DCDC2: variants seen among roughly 807,000 people sequenced by gnomAD.
DCDC2 encodes the protein doublecortin domain-containing protein 2.
In DCDC2, 40 loss-of-function variants were observed where a neutral mutation model predicts 50.2. The ratio of observed to expected loss-of-function variants is 0.80; its 90% CI spans 0.62 to 1.04. DCDC2 has a LOEUF of 1.04. Ranked by LOEUF, DCDC2 falls within the 50% of genes least tolerant of loss-of-function variation. DCDC2 has a pLI of 0.00. For missense variants in DCDC2, 570 were observed against 581.9 expected (o/e 0.98, Z 0.21); for synonymous variants, 234 against 210.6 (o/e 1.11, Z -0.96).
At chr6:24,261,779 T>C (rs1763015642) in intron 7 of DCDC2, among the ~76,000 whole-genome samples, 1 of 152,078 alleles carries the variant, frequency 6.6e-6, no homozygotes, top group Non-Finnish European at 1.5e-5. Context: ...TAGCTTTTGG[T>C]GAAACCCAAA....
In DCDC2 at chr6:24,179,547, CAAAAAAAAAAAA is replaced by C. The variant is rs56731018; in HGVS notation, c.1024-927_1024-916del. Among the ~76,000 whole-genome samples the C allele has an allele frequency of 2.8e-4, 14 of 49,598 alleles. 1 individual carries two copies. The South Asian group carries it at 0.012, about 44-fold the overall frequency. The allele number at this position is 49,598 out of a possible 152,430, so 32.5% of individuals were successfully genotyped here. A position where few individuals can be genotyped will look rare whatever the true frequency, so the allele number is the denominator to read the frequency against. On this transcript the variant is annotated intron_variant, in intron 8 of 9. Coordinates refer to ENST00000378454, the MANE Select transcript of DCDC2 (RefSeq NM_016356.5). ...TGGGTGACAGAGCAAGACACCATCTCAAAAAAAAAAAAAAAAAAAAAAAAAAAAAGAATAAAT... is the reference window on the plus strand; with the variant it reads ...TGGGTGACAGAGCAAGACACCATCTCAAAAAAAAAAAAAAAAAGAATAAAT...
intron 2 of DCDC2, among the ~76,000 whole-genome samples, chr6:24,304,214 G>C (rs1416973130): frequency 6.6e-6 from 1 of 152,184 alleles, no homozygotes; most frequent in Non-Finnish European, 1.5e-5. Flanking sequence ...TGGGTGTGTT[G>C]GCTCACGCCT....
chr6:24,245,706 A>C (rs1056639764), intron 7 of DCDC2, among the ~76,000 whole-genome samples: 1 of 152,244 alleles, frequency 6.6e-6, no homozygotes, highest in East Asian at 1.9e-4. Flanking sequence ...AAAGAGAATT[A>C]GCATTTAGAG....
chr6:24,235,446 A>G (rs1392254613), intron 7 of DCDC2, among the ~76,000 whole-genome samples: 1 of 152,226 alleles, frequency 6.6e-6, no homozygotes, highest in Non-Finnish European at 1.5e-5. Context: ...AGGTTAATTC[A>G]CCACAATCAA....
chr6:24,359,017 ATT>A (rs1164745907), upstream of DCDC2, among the ~76,000 whole-genome samples: 1 of 29,670 alleles, frequency 3.4e-5, no homozygotes, highest in East Asian at 1.2e-3. Flanking sequence ...TATATTATAT[ATT>A]TTATATTTTA....
chr6:24,204,886 T>C, intron 8 of DCDC2, 116 bp downstream of exon 8: 1 of 921,510 alleles, frequency 1.1e-6, no homozygotes, highest in Non-Finnish European at 1.7e-6. Context: ...AGCCACATAG[T>C]ACCTTAGAGG....
In DCDC2 at chr6:24,288,841, C is replaced by T; in HGVS notation, c.759+11G>A. The T allele has an allele frequency of 6.2e-7, 1 of 1,608,198 alleles. No individual in the cohort carries two copies. Among genetic ancestry groups the T allele is most frequent in the East Asian group, 2.2e-5 (1 of 44,738 alleles). On this transcript the variant is annotated intron_variant, in intron 6 of 9. Coordinates refer to ENST00000378454, the MANE Select transcript of DCDC2 (RefSeq NM_016356.5). ...TATAGAACATCAACGAGGAAAGCATCTGATACTTACACTCCCTTTAGACTT... is the reference window on the plus strand; with the variant it reads ...TATAGAACATCAACGAGGAAAGCATTTGATACTTACACTCCCTTTAGACTT...
rs770512719 is a variant in DCDC2, at chr6:24,204,992, T to C, written c.1023+10A>G. On this transcript the variant is annotated intron_variant, in intron 8 of 9. Coordinates refer to ENST00000378454, the MANE Select transcript of DCDC2 (RefSeq NM_016356.5). ...TGTCTTACACATATTTTTTAAGGCA[T>C]GGAGATTACCTGATCGACTGGAACC... 1.3e-6 allele frequency: 2 copies of C among 1,582,584 alleles called. No individual in the cohort carries two copies. The highest frequency in any genetic ancestry group is 8.7e-7 in the Non-Finnish European group (1 of 1,153,998).
At chr6:24,369,749 A>G in the DCDC2 span, among the ~76,000 whole-genome samples, 2 of 152,214 alleles carry the variant, frequency 1.3e-5, no homozygotes, top group African/African-American at 2.4e-5. Flanking sequence ...TGTGATAAAA[A>G]TCTAATTAAG....
intron 7 of DCDC2, among the ~76,000 whole-genome samples, chr6:24,233,319 A>G (rs1762376138): frequency 6.6e-6 from 1 of 152,180 alleles, no homozygotes; most frequent in Non-Finnish European, 1.5e-5. Context: ...CTATCTATTC[A>G]TATTATGTGG....
At chr6:24,242,919 G>A (rs1023365633) in intron 7 of DCDC2, among the ~76,000 whole-genome samples, 3 of 151,876 alleles carry the variant, frequency 2.0e-5, no homozygotes, top group Non-Finnish European at 4.4e-5. Context: ...CCGAGATCAT[G>A]CCGATATGCT....
intron 2 of DCDC2, among the ~76,000 whole-genome samples, chr6:24,343,303 C>T (rs929901695): frequency 6.6e-6 from 1 of 152,132 alleles, no homozygotes; most frequent in African/African-American, 2.4e-5. Flanking sequence ...CCCACCTCGG[C>T]CTCCCAAAGT....
chr6:24,266,549 C>A (rs1373617791), intron 7 of DCDC2, among the ~76,000 whole-genome samples: 1 of 151,814 alleles, frequency 6.6e-6, no homozygotes, highest in East Asian at 1.9e-4. Context: ...ACAGAAATAG[C>A]AAAAAAGTAT....
chr6:24,371,506 G>C, the DCDC2 span, among the ~76,000 whole-genome samples: 1 of 152,114 alleles, frequency 6.6e-6, no homozygotes, highest in East Asian at 1.9e-4. Flanking sequence ...TACTTGGGAA[G>C]CTGAGGTGGG....
chr6:24,316,138 T>A (rs886654559), intron 2 of DCDC2, among the ~76,000 whole-genome samples: 3 of 152,148 alleles, frequency 2.0e-5, no homozygotes, highest in Admixed American at 6.5e-5. Flanking sequence ...GAGATGCCTA[T>A]GAGACCTCCA....
At chr6:24,194,173 G>A (rs1029563029) in intron 8 of DCDC2, among the ~76,000 whole-genome samples, 2 of 152,110 alleles carry the variant, frequency 1.3e-5, no homozygotes, top group African/African-American at 4.8e-5. Context: ...AGGAACTGTG[G>A]TGAGGAGGGG....
intron 4 of DCDC2, among the ~76,000 whole-genome samples, chr6:24,293,992 T>A (rs994105927): frequency 6.6e-6 from 1 of 152,114 alleles, no homozygotes; most frequent in Non-Finnish European, 1.5e-5. Flanking sequence ...AGAACAAAAA[T>A]ACAACATACC....
chr6:24,279,123 C>G (rs1007019758), intron 6 of DCDC2, among the ~76,000 whole-genome samples: 2 of 152,194 alleles, frequency 1.3e-5, no homozygotes, highest in African/African-American at 4.8e-5. Context: ...TGGCCCAGTA[C>G]AGCTCCTGGG....
chr6:24,298,332 G>A (rs1759302811), intron 4 of DCDC2, among the ~76,000 whole-genome samples: 1 of 152,206 alleles, frequency 6.6e-6, no homozygotes, highest in Non-Finnish European at 1.5e-5. Context: ...GGGGGTTGGG[G>A]AACCCTGGAG....
Sources: gnomAD v4.1 joint callset for allele counts (sites outside exome capture counted in the v4.1 genomes callset) on GRCh38, gnomAD v4.1.1 for gene constraint, MANE v1.5 for transcripts, NCBI Gene and HGNC (gene_info 2026-07-23, HGNC 2026-07-21) for gene names.